The following HTR2C variants were observed in gnomAD, a reference collection of about 807,000 sequenced individuals.
The protein encoded by HTR2C is 5-hydroxytryptamine receptor 2C, also known as 5-hydroxytryptamine (serotonin) receptor 2C, G protein-coupled.
In HTR2C, 5 loss-of-function variants were observed where a neutral mutation model predicts 21.0. The ratio of observed to expected loss-of-function variants is 0.24; its 90% CI spans 0.12 to 0.50. HTR2C has a LOEUF of 0.50. Ranked by LOEUF, HTR2C falls within the 20% of genes least tolerant of loss-of-function variation. The pLI, the probability that HTR2C is intolerant of heterozygous loss-of-function variation, is 0.98. For missense variants in HTR2C, 271 were observed against 371.2 expected (o/e 0.73, Z 2.22); for synonymous variants, 150 against 145.3 (o/e 1.03, Z -0.23).
At chrX:114,879,854 G>C (rs1424861689) in intron 5 of HTR2C, among the ~76,000 whole-genome samples, 1 of 110,503 alleles carries the variant, frequency 9.0e-6, no homozygotes, top group African/African-American at 3.3e-5. Context: ...GGGAATTTGG[G>C]CTGGTTCCAT....
intron 4 of HTR2C, among the ~76,000 whole-genome samples, chrX:114,766,328 G>T (rs1174632991): frequency 9.0e-6 from 1 of 111,586 alleles, no homozygotes; most frequent in Non-Finnish European, 1.9e-5. Context: ...TTTCATATGT[G>T]CTTTTATGTT....
At chrX:114,604,127 G>A (rs1928278812) in intron 1 of HTR2C, among the ~76,000 whole-genome samples, 1 of 108,290 alleles carries the variant, frequency 9.2e-6, no homozygotes, top group African/African-American at 3.4e-5. Flanking sequence ...GGGAGTAGAG[G>A]TATCTTATAC....
At chrX:114,752,584 AAC>A (rs1556428377) in intron 4 of HTR2C, among the ~76,000 whole-genome samples, 1 of 111,252 alleles carries the variant, frequency 9.0e-6, no homozygotes, top group South Asian at 3.8e-4. Context: ...TCTGTACATA[AAC>A]ACAGAGTAGC....
At chrX:114,880,882 A>G (rs2071176129) in intron 5 of HTR2C, among the ~76,000 whole-genome samples, 2 of 111,298 alleles carry the variant, frequency 1.8e-5, no homozygotes, top group Non-Finnish European at 3.8e-5. Context: ...TGCTATGAAC[A>G]CTAATCAAAG....
rs781898890 is a variant in HTR2C, at chrX:114,838,744, C to T, written c.350-9259C>T. On this transcript the variant is annotated intron_variant, in intron 4 of 5. Transcript: ENST00000276198. ...AGTGTGCTATAGCCTCTTGGCTATTCAACTCCCTTCAAACCTTTTACATAT... is the reference window on the plus strand; with the variant it reads ...AGTGTGCTATAGCCTCTTGGCTATTTAACTCCCTTCAAACCTTTTACATAT... Among the ~76,000 whole-genome samples, 126 of 112,257 alleles carry T rather than the reference C, an allele frequency of 1.1e-3. 1 individual carries two copies. Among genetic ancestry groups the T allele is most frequent in the African/African-American group, 3.9e-3 (121 of 30,992 alleles).
At chrX:114,758,636 A>G (rs1319711707) in intron 4 of HTR2C, among the ~76,000 whole-genome samples, 1 of 111,875 alleles carries the variant, frequency 8.9e-6, no homozygotes, top group African/African-American at 3.3e-5. Context: ...TTCAAGTTAT[A>G]TAAGACTTCT....
intron 2 of HTR2C, among the ~76,000 whole-genome samples, chrX:114,722,796 T>C (rs782182615): frequency 3.7e-5 from 4 of 108,248 alleles, no homozygotes; most frequent in South Asian, 8.4e-4. Context: ...TCTTTGGTTC[T>C]GTTTATATGC....
chrX:114,669,472 G>T (rs1306186950), intron 2 of HTR2C, among the ~76,000 whole-genome samples: 1 of 111,628 alleles, frequency 9.0e-6, no homozygotes, highest in African/African-American at 3.3e-5. Context: ...CATATGAATT[G>T]GGAATCATTT....
At chrX:114,692,532 A>G (rs868995784) in intron 2 of HTR2C, among the ~76,000 whole-genome samples, 6 of 111,548 alleles carry the variant, frequency 5.4e-5, no homozygotes, top group South Asian at 7.4e-4. Flanking sequence ...ATGTGACTTC[A>G]GCATCATGAA....
At chrX:114,591,043 G>A (rs1927607717) in intron 1 of HTR2C, among the ~76,000 whole-genome samples, 1 of 111,579 alleles carries the variant, frequency 9.0e-6, no homozygotes, top group Admixed American at 9.6e-5. Flanking sequence ...TCAGACATTA[G>A]TATTAATGAA....
intron 2 of HTR2C, among the ~76,000 whole-genome samples, chrX:114,674,171 G>A (rs1931475523): frequency 2.7e-5 from 3 of 112,072 alleles, no homozygotes; most frequent in Admixed American, 1.9e-4. Context: ...AGAGAGCTTC[G>A]TGACATATCT....
At chrX:114,694,514 G>C (rs1932216899) in intron 2 of HTR2C, among the ~76,000 whole-genome samples, 1 of 53,827 alleles carries the variant, frequency 1.9e-5, no homozygotes, top group Admixed American at 2.3e-4. Flanking sequence ...TTTAGACAGA[G>C]TCTCATTCTT....
chrX:114,599,285 A>T (rs1927992146), intron 1 of HTR2C, among the ~76,000 whole-genome samples: 1 of 112,075 alleles, frequency 8.9e-6, no homozygotes, highest in Admixed American at 9.5e-5. Flanking sequence ...ACATGTAAAG[A>T]CAAATAAGAG....
chrX:114,806,089 C>T (rs973382343), intron 4 of HTR2C, among the ~76,000 whole-genome samples: 1 of 98,579 alleles, frequency 1.0e-5, no homozygotes, highest in Non-Finnish European at 2.0e-5. Context: ...ATATATATAC[C>T]ACATATATAC....
chrX:114,667,422 CAT>C (rs781941234), intron 2 of HTR2C, among the ~76,000 whole-genome samples: 1 of 111,000 alleles, frequency 9.0e-6, no homozygotes, highest in Non-Finnish European at 1.9e-5. Context: ...TGTAATCTGA[CAT>C]AAACAATTTA....
chrX:114,891,011 A>G (rs1569502770), intron 5 of HTR2C, among the ~76,000 whole-genome samples: 1 of 111,294 alleles, frequency 9.0e-6, no homozygotes, highest in Non-Finnish European at 1.9e-5. Context: ...CTTAATTCAT[A>G]TTTTGTATCA....
At position 114,891,793 on chromosome X, in the gene HTR2C, T is replaced by C. The variant is rs782775798; in HGVS notation, c.551-14796T>C. 4.5e-5 allele frequency among the ~76,000 whole-genome samples: 5 copies of C among 111,437 alleles called. No homozygotes were observed. In the South Asian group the frequency reaches 1.9e-3, roughly 42 times the overall value. On this transcript the variant is annotated intron_variant, in intron 5 of 5. Coordinates refer to ENST00000276198, the MANE Select transcript of HTR2C (RefSeq NM_000868.4). ...TAATTTAGTCTGGCAATAGCTGTTT[T>C]TTTTTATAAGAATATATCTTTTTAT...
chrX:114,620,680 T>C (rs969740826), intron 2 of HTR2C, among the ~76,000 whole-genome samples: 6 of 111,853 alleles, frequency 5.4e-5, no homozygotes, highest in African/African-American at 2.0e-4. Flanking sequence ...ATACTTTATA[T>C]GTATTACACG....
At position 114,691,414 on chromosome X, in the gene HTR2C, A is replaced by C. The variant is rs192530038; in HGVS notation, c.-79-35444A>C. On this transcript the variant is annotated intron_variant, in intron 2 of 5. Coordinates refer to ENST00000276198, the MANE Select transcript of HTR2C (RefSeq NM_000868.4). ...CAGACTAATGAGAGATGCAATTTAG[A>C]AAGGATTTCTGTATGAAACCAAAGT... Among the ~76,000 whole-genome samples, 28 of 112,075 alleles carry C rather than the reference A, an allele frequency of 2.5e-4. No homozygotes were observed. The East Asian group carries it at 7.0e-3, about 28-fold the overall frequency.
Sources: allele counts gnomAD v4.1 joint callset (sites outside exome capture counted in the v4.1 genomes callset), GRCh38; gene constraint gnomAD v4.1.1; transcripts MANE v1.5; gene names NCBI Gene and HGNC (gene_info 2026-07-23, HGNC 2026-07-21).